Variants in LOC128092252 observed in about 807,000 individuals in gnomAD.
the LOC128092252 span, among the ~76,000 whole-genome samples, chr15:50,667,251 G>A: frequency 1.3e-5 from 2 of 152,150 alleles, no homozygotes; most frequent in African/African-American, 2.4e-5. Flanking sequence ...GAAACTGAAC[G>A]CTTTCCTCGC....
the LOC128092252 span, among the ~76,000 whole-genome samples, chr15:50,678,436 T>A: frequency 6.7e-6 from 1 of 150,006 alleles, no homozygotes; most frequent in African/African-American, 2.5e-5. Context: ...CTCTCTGACT[T>A]CCCCTATCAG....
At chr15:50,679,521 TA>T in the LOC128092252 span, among the ~76,000 whole-genome samples, 13 of 22,208 alleles carry the variant, frequency 5.9e-4, no homozygotes, top group African/African-American at 1.5e-3. Context: ...AATATATATA[TA>T]TATATATATA....
At chr15:50,655,490 C>T in the LOC128092252 span, among the ~76,000 whole-genome samples, 4 of 145,868 alleles carry the variant, frequency 2.7e-5, no homozygotes, top group Admixed American at 7.0e-5. Flanking sequence ...AAAATTTGAA[C>T]GTGCAAATAT....
At chr15:50,679,538 A>ATATATT in the LOC128092252 span, among the ~76,000 whole-genome samples, 11 of 43,902 alleles carry the variant, frequency 2.5e-4, no homozygotes, top group African/African-American at 1.2e-3. Context: ...ATATATATAT[A>ATATATT]TTTTTTTTTT....
At chr15:50,678,626 TAATA>T in the LOC128092252 span, among the ~76,000 whole-genome samples, 2,196 of 151,096 alleles carry the variant, frequency 0.015, 59 homozygotes, top group African/African-American at 0.051. Context: ...CTCAACTAAT[TAATA>T]ATTAGATATT....
At chr15:50,669,634 A>C in the LOC128092252 span, among the ~76,000 whole-genome samples, 1 of 152,200 alleles carries the variant, frequency 6.6e-6, no homozygotes, top group Non-Finnish European at 1.5e-5. Context: ...AAAATGGGAC[A>C]CTGGAGTGAG....
the LOC128092252 span, chr15:50,648,934 A>G: frequency 0.39 from 571,007 of 1,451,198 alleles, 117,136 homozygotes; most frequent in Admixed American, 0.49. Context: ...ATTAGAGTTA[A>G]TGAAAAAATG....
the LOC128092252 span, among the ~76,000 whole-genome samples, chr15:50,674,057 C>T: frequency 2.6e-5 from 4 of 152,150 alleles, no homozygotes; most frequent in Non-Finnish European, 4.4e-5. Context: ...GGCATGATCT[C>T]GGCTCACTGC....
chr15:50,664,941 G>A, the LOC128092252 span, among the ~76,000 whole-genome samples: 22,227 of 152,144 alleles, frequency 0.15, 2,215 homozygotes, highest in Admixed American at 0.28. Context: ...ATCCAGCCTC[G>A]TTGACAGAGC....
At chr15:50,654,841 A>C in the LOC128092252 span, among the ~76,000 whole-genome samples, 73 of 148,622 alleles carry the variant, frequency 4.9e-4, 1 homozygote, top group African/African-American at 1.7e-3. Context: ...ACTAAAAAAA[A>C]CCACAAAAAA....
At chr15:50,667,118 T>C in the LOC128092252 span, among the ~76,000 whole-genome samples, 1 of 152,050 alleles carries the variant, frequency 6.6e-6, no homozygotes, top group Non-Finnish European at 1.5e-5. Flanking sequence ...GACTGCAGCA[T>C]TGATTGGCCG....
At chr15:50,664,065 T>C in the LOC128092252 span, among the ~76,000 whole-genome samples, 11 of 152,058 alleles carry the variant, frequency 7.2e-5, no homozygotes, top group Admixed American at 4.6e-4. Flanking sequence ...TTTGGGAGGC[T>C]GAGGTGGGCG....
chr15:50,676,056 A>G, the LOC128092252 span, among the ~76,000 whole-genome samples: 4 of 152,234 alleles, frequency 2.6e-5, no homozygotes, highest in Non-Finnish European at 5.9e-5. Flanking sequence ...GTTTTAGCAC[A>G]ATGCATGGCA....
chr15:50,671,645 C>CAAA, the LOC128092252 span, among the ~76,000 whole-genome samples: 37 of 151,566 alleles, frequency 2.4e-4, no homozygotes, highest in African/African-American at 7.0e-4. Flanking sequence ...CCTGTCGCTA[C>CAAA]AAAAGTTTTT....
chr15:50,676,716 A>C, the LOC128092252 span, among the ~76,000 whole-genome samples: 3 of 152,122 alleles, frequency 2.0e-5, no homozygotes, highest in African/African-American at 7.2e-5. Flanking sequence ...AACAGTCCCC[A>C]TCCTATGCCT....
the LOC128092252 span, among the ~76,000 whole-genome samples, chr15:50,674,822 G>C: frequency 6.6e-6 from 1 of 151,962 alleles, no homozygotes; most frequent in Non-Finnish European, 1.5e-5. Flanking sequence ...GTTTGTTTTT[G>C]TTTTTTTGTT....
the LOC128092252 span, among the ~76,000 whole-genome samples, chr15:50,673,827 G>A: frequency 1.3e-5 from 2 of 152,126 alleles, no homozygotes; most frequent in African/African-American, 4.8e-5. Context: ...GGTATCCTAA[G>A]GAATCTCCAC....
the LOC128092252 span, among the ~76,000 whole-genome samples, chr15:50,664,961 T>A: frequency 6.6e-6 from 1 of 152,170 alleles, no homozygotes; most frequent in African/African-American, 2.4e-5. Context: ...CAAGACCCTG[T>A]CTTAAAAATA....
At chr15:50,670,062 G>A in the LOC128092252 span, among the ~76,000 whole-genome samples, 1 of 152,252 alleles carries the variant, frequency 6.6e-6, no homozygotes, top group East Asian at 1.9e-4. Flanking sequence ...AGAACTCTGA[G>A]TTATGGATGG....
Sources: allele counts gnomAD v4.1 joint callset (sites outside exome capture counted in the v4.1 genomes callset), GRCh38; gene constraint gnomAD v4.1.1; transcripts MANE v1.5.